Variants in KLF8 observed in about 807,000 individuals in gnomAD.
The protein encoded by KLF8 is Krueppel-like factor 8.
KLF8 carries 10 observed loss-of-function variants against 18.2 expected under a neutral mutation model. The observed-to-expected ratio is 0.55, with a 90% CI of 0.34 to 0.93. The LOEUF (loss-of-function observed/expected upper bound fraction) is 0.93, where lower values mean the gene tolerates loss of function less well. KLF8 is among the 40% of genes least tolerant of loss of function. The pLI, the probability that KLF8 is intolerant of heterozygous loss-of-function variation, is 0.02. For synonymous variants in KLF8, 109 were observed against 97.3 expected (o/e 1.12, Z -0.71); for missense variants, 264 against 277.9 (o/e 0.95, Z 0.36).
the KLF8 span, among the ~76,000 whole-genome samples, chrX:56,063,717 C>T: frequency 9.0e-6 from 1 of 111,382 alleles, no homozygotes; most frequent in Admixed American, 9.6e-5. Flanking sequence ...TCAGAGCTGG[C>T]AGGCAGGAAT....
the KLF8 span, among the ~76,000 whole-genome samples, chrX:56,052,860 C>T: frequency 1.5e-4 from 17 of 111,606 alleles, no homozygotes; most frequent in African/African-American, 5.2e-4. Flanking sequence ...GGCACCCCTC[C>T]CCCAGCCTCC....
the KLF8 span, among the ~76,000 whole-genome samples, chrX:56,191,902 C>G: frequency 4.5e-5 from 5 of 111,330 alleles, no homozygotes; most frequent in African/African-American, 1.6e-4. Flanking sequence ...AAGCCTTTGC[C>G]TAAGATCTGG....
the KLF8 span, among the ~76,000 whole-genome samples, chrX:55,984,427 A>G: frequency 1.8e-5 from 2 of 111,673 alleles, no homozygotes; most frequent in African/African-American, 3.3e-5. Context: ...GATCCCTGCA[A>G]AGGACATGAT....
At chrX:56,250,502 G>C (rs1392022741) in intron 2 of KLF8, among the ~76,000 whole-genome samples, 198 bp downstream of exon 2, 2 of 111,600 alleles carry the variant, frequency 1.8e-5, no homozygotes, top group Admixed American at 1.9e-4. Context: ...TGGCCTAAAA[G>C]AAACATAGCC....
chrX:55,996,079 T>C, the KLF8 span, among the ~76,000 whole-genome samples: 1 of 112,084 alleles, frequency 8.9e-6, no homozygotes, highest in Non-Finnish European at 1.9e-5. Flanking sequence ...ATTTTTTCTT[T>C]ATTTTTGTCT....
the KLF8 span, among the ~76,000 whole-genome samples, chrX:56,157,963 C>G: frequency 8.9e-6 from 1 of 111,919 alleles, no homozygotes; most frequent in Non-Finnish European, 1.9e-5. Flanking sequence ...GAAGTCCTTC[C>G]CATGCCTATG....
chrX:56,082,767 C>T, the KLF8 span, among the ~76,000 whole-genome samples: 1 of 111,425 alleles, frequency 9.0e-6, no homozygotes, highest in South Asian at 3.7e-4. Context: ...TCTTACGGTA[C>T]AATTTCCCAT....
the KLF8 span, among the ~76,000 whole-genome samples, chrX:56,198,918 G>A: frequency 9.0e-6 from 1 of 111,329 alleles, no homozygotes; most frequent in South Asian, 3.8e-4. Flanking sequence ...CAGAACAGAG[G>A]CCTCAGAAAT....
In KLF8 at chrX:56,250,249, A is replaced by C. The variant is rs759821417; in HGVS notation, c.26A>C (p.Asn9Thr). The change falls in exon 2 of 6, where the codon AAC (asparagine) becomes ACC (threonine). Residue 9 changes from asparagine to threonine, a missense_variant. By Grantham distance (65) the Asn-to-Thr change is moderately conservative (BLOSUM62 0). Transcript: ENST00000468660. ...TTTCCAGATATGGATAAACTCATAA[A>C]CAACTTGGAGGTCCAACTTAATTCA... MVDMDKLINNLEVQLNSEG... is the reference protein window; with the variant it reads MVDMDKLITNLEVQLNSEG... 1 of 1,206,990 alleles carries C rather than the reference A, an allele frequency of 8.3e-7. No homozygotes were observed.
At chrX:56,062,565 A>T in the KLF8 span, among the ~76,000 whole-genome samples, 1 of 111,889 alleles carries the variant, frequency 8.9e-6, no homozygotes, top group Non-Finnish European at 1.9e-5. Context: ...TGTTAGTCTG[A>T]TGGCCTTCTT....
the KLF8 span, among the ~76,000 whole-genome samples, chrX:55,948,004 A>G: frequency 2.7e-5 from 3 of 112,104 alleles, no homozygotes; most frequent in Admixed American, 1.9e-4. Flanking sequence ...TACTCAGTAT[A>G]TGGGTGTATT....
the KLF8 span, among the ~76,000 whole-genome samples, chrX:56,084,185 C>G: frequency 9.0e-6 from 1 of 110,726 alleles, no homozygotes; most frequent in African/African-American, 3.3e-5. Flanking sequence ...GTTTGAGTCA[C>G]CTGGGCAATA....
chrX:56,248,711 T>A (rs1036964370), intron 1 of KLF8, among the ~76,000 whole-genome samples: 2 of 111,492 alleles, frequency 1.8e-5, no homozygotes, highest in African/African-American at 6.5e-5. Flanking sequence ...GTATGAGAGT[T>A]ACCTGACCTC....
At chrX:56,137,210 A>T in the KLF8 span, among the ~76,000 whole-genome samples, 2 of 109,665 alleles carry the variant, frequency 1.8e-5, no homozygotes, top group Non-Finnish European at 3.8e-5. Context: ...TTCCTCAAGG[A>T]TCTAGAACTA....
chrX:56,199,119 C>A, the KLF8 span, among the ~76,000 whole-genome samples: 1 of 111,802 alleles, frequency 8.9e-6, no homozygotes, highest in Admixed American at 9.5e-5. Flanking sequence ...AATGTTAGAC[C>A]TAAAACCATA....
At chrX:56,158,682 C>T in the KLF8 span, among the ~76,000 whole-genome samples, 1 of 111,689 alleles carries the variant, frequency 9.0e-6, no homozygotes, top group African/African-American at 3.3e-5. Flanking sequence ...CATGATTTGG[C>T]TGTTTGTCTG....
At chrX:56,010,145 A>C in the KLF8 span, among the ~76,000 whole-genome samples, 1 of 111,324 alleles carries the variant, frequency 9.0e-6, no homozygotes, top group Admixed American at 9.6e-5. Flanking sequence ...GATCAACCCC[A>C]AGACACATAA....
intron 2 of KLF8, among the ~76,000 whole-genome samples, chrX:56,262,068 T>C (rs1260973411): frequency 8.9e-6 from 1 of 112,269 alleles, no homozygotes; most frequent in African/African-American, 3.2e-5. Context: ...AGGAAGTTAC[T>C]ATTAAGATAC....
chrX:56,050,097 T>A, the KLF8 span, among the ~76,000 whole-genome samples: 2 of 110,574 alleles, frequency 1.8e-5, no homozygotes, highest in African/African-American at 3.3e-5. Flanking sequence ...TGTATTTCTG[T>A]GGGATCGGTG....
Sources: gnomAD v4.1 joint callset for allele counts (sites outside exome capture counted in the v4.1 genomes callset) on GRCh38, gnomAD v4.1.1 for gene constraint, MANE v1.5 for transcripts, NCBI Gene and HGNC (gene_info 2026-07-23, HGNC 2026-07-21) for gene names.